Variants in MDGA2 observed in about 807,000 individuals in gnomAD.
The protein encoded by MDGA2 is MAM domain-containing glycosylphosphatidylinositol anchor protein 2.
A neutral mutation model predicts 117.8 loss-of-function variants in MDGA2; 40 were observed. The observed-to-expected ratio is 0.34, with a 90% confidence interval of 0.26 to 0.44. The LOEUF (loss-of-function observed/expected upper bound fraction) is 0.44, where lower values mean the gene tolerates loss of function less well. MDGA2 is among the 20% of genes least tolerant of loss of function. MDGA2 has a pLI of 1.00. For synonymous variants in MDGA2, 452 were observed against 439.0 expected (o/e 1.03, Z -0.37); for missense variants, 1,123 against 1,250.6 (o/e 0.90, Z 1.54).
rs572806747 is a variant in MDGA2, at chr14:47,146,007, C to A, written c.596-1733G>T. Reference sequence around the variant, plus strand: ...TACATGACAAAAACTTTAACAAAGGCCTGGAAATAACCTACAGTATTTATA... The same window carrying A: ...TACATGACAAAAACTTTAACAAAGGACTGGAAATAACCTACAGTATTTATA... On this transcript the variant is annotated intron_variant, in intron 3 of 16. Transcript: ENST00000399232. 1.9e-4 allele frequency among the ~76,000 whole-genome samples: 29 copies of A among 152,024 alleles called. 1 individual carries two copies. In the South Asian group the frequency reaches 6.0e-3, roughly 32 times the overall value.
intron 1 of MDGA2, among the ~76,000 whole-genome samples, chr14:47,500,168 C>T (rs928231172): frequency 6.6e-6 from 1 of 152,120 alleles, no homozygotes; most frequent in Non-Finnish European, 1.5e-5. Flanking sequence ...ATGTTGAACA[C>T]ATTTCCTCAT....
At chr14:47,613,503 A>G (rs1013157967) in intron 1 of MDGA2, among the ~76,000 whole-genome samples, 2 of 151,316 alleles carry the variant, frequency 1.3e-5, no homozygotes, top group Admixed American at 6.6e-5. Context: ...ACACACACAC[A>G]CACGCACACG....
intron 1 of MDGA2, among the ~76,000 whole-genome samples, chr14:47,409,048 G>A (rs1382039832): frequency 2.6e-5 from 4 of 152,126 alleles, no homozygotes; most frequent in African/African-American, 9.7e-5. Flanking sequence ...GGTGGAAGAC[G>A]GCATGTGGCG....
intron 1 of MDGA2, among the ~76,000 whole-genome samples, chr14:47,563,818 T>C (rs900944520): frequency 2.0e-5 from 3 of 152,092 alleles, no homozygotes; most frequent in African/African-American, 7.2e-5. Flanking sequence ...CTGGTTATCA[T>C]GCAGACTTGT....
chr14:47,190,933 T>C (rs1885085274), intron 3 of MDGA2, among the ~76,000 whole-genome samples: 1 of 152,174 alleles, frequency 6.6e-6, no homozygotes, highest in African/African-American at 2.4e-5. Flanking sequence ...AGAGGTCAGT[T>C]AGTGCAGTTT....
chr14:47,432,242 C>T (rs1892814082), intron 1 of MDGA2, among the ~76,000 whole-genome samples: 1 of 151,962 alleles, frequency 6.6e-6, no homozygotes, highest in Admixed American at 6.6e-5. Context: ...AGATAAAAGT[C>T]TATTTAATGT....
intron 1 of MDGA2, among the ~76,000 whole-genome samples, chr14:47,443,281 A>G (rs1221173902): frequency 6.6e-6 from 1 of 152,150 alleles, no homozygotes; most frequent in African/African-American, 2.4e-5. Flanking sequence ...CAATTAAGAT[A>G]TAAAAGGCAT....
intron 1 of MDGA2, among the ~76,000 whole-genome samples, chr14:47,612,003 C>T (rs1392680630): frequency 6.6e-6 from 1 of 152,124 alleles, no homozygotes; most frequent in African/African-American, 2.4e-5. Context: ...AGAGATACCA[C>T]AGAATCACAA....
At chr14:47,046,503 T>C (rs1030000356) in intron 7 of MDGA2, among the ~76,000 whole-genome samples, 5 of 151,158 alleles carry the variant, frequency 3.3e-5, no homozygotes, top group African/African-American at 1.2e-4. Flanking sequence ...CTAATGTAAA[T>C]GATGAGTTAA....
At chr14:47,497,575 T>G (rs1249166549) in intron 1 of MDGA2, among the ~76,000 whole-genome samples, 2 of 152,142 alleles carry the variant, frequency 1.3e-5, no homozygotes, top group African/African-American at 4.8e-5. Context: ...AGTCTTTTAA[T>G]ATACAAATTC....
chr14:47,097,035 T>C lies in MDGA2; in HGVS notation c.1014A>G (p.Gly338=), dbSNP rs1484714488. The C allele has an allele frequency of 1.2e-6, 2 of 1,613,360 alleles. No individual in the cohort carries two copies. The highest frequency in any genetic ancestry group is 1.7e-6 in the Non-Finnish European group (2 of 1,179,490). Residue 338 remains glycine (G), a synonymous_variant, in exon 6 of 17, where the codon GGA becomes GGG. Coordinates refer to ENST00000399232, the MANE Select transcript of MDGA2 (RefSeq NM_001113498.3). ...AITLVCVTTG[G]EPAPSLTWVR... Reference sequence around the variant, plus strand: ...CCCAGGTGAGAGAAGGTGCAGGCTCTCCTCCTGTTGTAACACATACTAATG... The same window carrying C: ...CCCAGGTGAGAGAAGGTGCAGGCTCCCCTCCTGTTGTAACACATACTAATG...
chr14:47,429,913 A>G (rs1341737213), intron 1 of MDGA2, among the ~76,000 whole-genome samples: 1 of 150,378 alleles, frequency 6.6e-6, no homozygotes, highest in Non-Finnish European at 1.5e-5. Context: ...ATAACATTAC[A>G]TAATCTGAAA....
At chr14:47,213,204 C>A (rs923585697) in intron 3 of MDGA2, among the ~76,000 whole-genome samples, 1 of 152,030 alleles carries the variant, frequency 6.6e-6, no homozygotes, top group Admixed American at 6.6e-5. Flanking sequence ...ATAGCCTGGC[C>A]ATACAGAAGA....
chr14:47,413,843 G>A (rs1248428715), intron 1 of MDGA2, among the ~76,000 whole-genome samples: 3 of 151,986 alleles, frequency 2.0e-5, no homozygotes, highest in Non-Finnish European at 4.4e-5. Flanking sequence ...TAGCTAATCA[G>A]CCATGGCAAC....
At chr14:46,973,288 C>G (rs564023470) in intron 8 of MDGA2, among the ~76,000 whole-genome samples, 2 of 152,066 alleles carry the variant, frequency 1.3e-5, no homozygotes, top group Non-Finnish European at 2.9e-5. Context: ...GAGTTGAAAA[C>G]TTATGTTTAC....
At chr14:46,916,535 C>G (rs909863492) in intron 10 of MDGA2, among the ~76,000 whole-genome samples, 1 of 152,000 alleles carries the variant, frequency 6.6e-6, no homozygotes, top group Admixed American at 6.6e-5. Context: ...TTTTGCCCTA[C>G]CATCCTAAAC....
At chr14:47,553,663 ATG>A (rs1214044900) in intron 1 of MDGA2, among the ~76,000 whole-genome samples, 3 of 152,132 alleles carry the variant, frequency 2.0e-5, no homozygotes, top group African/African-American at 7.2e-5. Flanking sequence ...GTGTATACAT[ATG>A]TGTGTGACTG....
chr14:47,241,072 T>C (rs1476407093), intron 2 of MDGA2, among the ~76,000 whole-genome samples: 1 of 151,830 alleles, frequency 6.6e-6, no homozygotes, highest in Non-Finnish European at 1.5e-5. Flanking sequence ...CTTGAAAACT[T>C]AACCTTTAGG....
chr14:46,920,005 T>C lies in MDGA2; in HGVS notation c.2238+7A>G. ...AAAGAAAAAAGGACATCAGTTAGAT[T>C]TCTCACCTGCCTGATGCCCAACCGG... On this transcript the variant is annotated splice_region_variant and intron_variant, in intron 10 of 16. Coordinates refer to ENST00000399232, the MANE Select transcript of MDGA2 (RefSeq NM_001113498.3). 4 of 1,564,500 alleles carry C rather than the reference T, an allele frequency of 2.6e-6. No individual in the cohort carries two copies. The highest frequency in any genetic ancestry group is 3.4e-6 in the Non-Finnish European group (4 of 1,160,244).
Sources: allele counts gnomAD v4.1 joint callset (sites outside exome capture counted in the v4.1 genomes callset), GRCh38; gene constraint gnomAD v4.1.1; transcripts MANE v1.5; gene names NCBI Gene and HGNC (gene_info 2026-07-23, HGNC 2026-07-21).